The following OSTN variants were observed in gnomAD, a reference collection of about 807,000 sequenced individuals.
OSTN encodes the protein osteocrin.
A neutral mutation model predicts 12.0 loss-of-function variants in OSTN; 9 were observed. The ratio of observed to expected loss-of-function variants is 0.75; its 90% confidence interval spans 0.45 to 1.30. OSTN has a LOEUF of 1.30. Ranked by LOEUF, OSTN falls within the 50% of genes most tolerant of loss-of-function variation. The pLI is 0.00. For synonymous variants in OSTN, 59 were observed against 56.9 expected (o/e 1.04, Z -0.16); for missense variants, 148 against 152.3 (o/e 0.97, Z 0.15).
At chr3:191,230,097 T>TA (rs1715013238) in intron 3 of OSTN, among the ~76,000 whole-genome samples, 1 of 151,644 alleles carries the variant, frequency 6.6e-6, no homozygotes, top group South Asian at 2.1e-4. Flanking sequence ...AATAAATAAA[T>TA]AAATAACTTA....
intron 3 of OSTN, among the ~76,000 whole-genome samples, chr3:191,241,884 A>G (rs1425793520): frequency 6.6e-6 from 1 of 152,236 alleles, no homozygotes; most frequent in Non-Finnish European, 1.5e-5. Flanking sequence ...TGAGAATAAC[A>G]TTATCTAAAC....
At chr3:191,239,970 AAATTCAG>A (rs1715283536) in intron 3 of OSTN, among the ~76,000 whole-genome samples, 1 of 152,240 alleles carries the variant, frequency 6.6e-6, no homozygotes, top group South Asian at 2.1e-4. Context: ...AAGCCCTGTG[AAATTCAG>A]ATGTAAAGAC....
At chr3:191,236,256 G>A (rs1054922953) in intron 3 of OSTN, among the ~76,000 whole-genome samples, 5 of 152,144 alleles carry the variant, frequency 3.3e-5, no homozygotes, top group Non-Finnish European at 7.3e-5. Flanking sequence ...AACTGAGATA[G>A]AAAGCATCCC....
At chr3:191,261,591 C>CA (rs1350330733) in intron 4 of OSTN, among the ~76,000 whole-genome samples, 34 of 152,014 alleles carry the variant, frequency 2.2e-4, no homozygotes, top group South Asian at 2.1e-4. Flanking sequence ...AATCCCCCCA[C>CA]AAAAAAACAG....
At chr3:191,253,584 C>A (rs1360435721) in intron 4 of OSTN, among the ~76,000 whole-genome samples, 2 of 152,178 alleles carry the variant, frequency 1.3e-5, no homozygotes, top group African/African-American at 4.8e-5. Context: ...ATAATAGTTT[C>A]AAGACAGGCT....
chr3:191,238,899 G>A (rs1177879692), intron 3 of OSTN, among the ~76,000 whole-genome samples: 1 of 152,138 alleles, frequency 6.6e-6, no homozygotes, highest in African/African-American at 2.4e-5. Flanking sequence ...CCATATATAG[G>A]CTTTGCAAAG....
chr3:191,209,846 C>G (rs1047432418), intron 1 of OSTN, among the ~76,000 whole-genome samples: 1 of 152,016 alleles, frequency 6.6e-6, no homozygotes, highest in African/African-American at 2.4e-5. Context: ...GTTTGAAATA[C>G]TCTTTGAAGA....
intron 2 of OSTN, among the ~76,000 whole-genome samples, chr3:191,213,855 T>C (rs1714530400): frequency 6.6e-6 from 1 of 152,096 alleles, no homozygotes; most frequent in East Asian, 1.9e-4. Context: ...TTTTGGAGGA[T>C]GCTTGGAAAG....
intron 3 of OSTN, among the ~76,000 whole-genome samples, chr3:191,238,691 T>A (rs1715256549): frequency 6.6e-6 from 1 of 152,144 alleles, no homozygotes; most frequent in Non-Finnish European, 1.5e-5. Context: ...CCCTTTTAAA[T>A]GCTGCCTTCT....
At chr3:191,218,640 G>A (rs1199190683) in intron 2 of OSTN, 107 bp from the exon 3 acceptor site, 1 of 870,282 alleles carries the variant, frequency 1.1e-6, no homozygotes, top group East Asian at 2.6e-5. Context: ...ATTGTAAGAT[G>A]TTACATGATG....
At chr3:191,218,131 A>G (rs1256270099) in intron 2 of OSTN, among the ~76,000 whole-genome samples, 1 of 152,238 alleles carries the variant, frequency 6.6e-6, no homozygotes, top group Non-Finnish European at 1.5e-5. Context: ...TAGATAAAGC[A>G]CTATGGGAAT....
At chr3:191,238,668 C>T (rs1715255808) in intron 3 of OSTN, among the ~76,000 whole-genome samples, 2 of 152,216 alleles carry the variant, frequency 1.3e-5, no homozygotes, top group Non-Finnish European at 2.9e-5. Context: ...TGTTCTTTCA[C>T]AAGAGTGTGC....
intron 3 of OSTN, among the ~76,000 whole-genome samples, chr3:191,246,772 GAGA>G (rs1357182287): frequency 1.5e-5 from 2 of 136,008 alleles, no homozygotes; most frequent in East Asian, 2.3e-4. Flanking sequence ...GGAGAAGGAG[GAGA>G]AGAACTAGAG....
chr3:191,243,783 CATT>C (rs1054049554), intron 3 of OSTN, among the ~76,000 whole-genome samples: 64 of 152,170 alleles, frequency 4.2e-4, no homozygotes, highest in African/African-American at 1.5e-3. Context: ...TTAATATTTA[CATT>C]ATTTACATGT....
At chr3:191,230,294 G>T (rs1325750604) in intron 3 of OSTN, among the ~76,000 whole-genome samples, 1 of 151,824 alleles carries the variant, frequency 6.6e-6, no homozygotes, top group South Asian at 2.1e-4. Flanking sequence ...GGCTGGGCAC[G>T]GTGGCTCACA....
intron 3 of OSTN, among the ~76,000 whole-genome samples, chr3:191,242,694 A>G (rs917778558): frequency 5.9e-5 from 9 of 152,162 alleles, no homozygotes; most frequent in Admixed American, 6.5e-5. Context: ...GTGCCTTGCA[A>G]AAATTAATTT....
At chr3:191,231,638 G>A (rs1468847995) in intron 3 of OSTN, among the ~76,000 whole-genome samples, 1 of 152,098 alleles carries the variant, frequency 6.6e-6, no homozygotes, top group African/African-American at 2.4e-5. Context: ...AAAACTTCAT[G>A]AGTTTCTTAT....
chr3:191,219,506 A>G (rs1227836455), intron 3 of OSTN, among the ~76,000 whole-genome samples: 1 of 152,220 alleles, frequency 6.6e-6, no homozygotes, highest in Non-Finnish European at 1.5e-5. Flanking sequence ...ATAAAGTGAG[A>G]ATAATTACTT....
At chr3:191,207,522 A>G (rs759551855) in intron 1 of OSTN, among the ~76,000 whole-genome samples, 10 of 152,190 alleles carry the variant, frequency 6.6e-5, no homozygotes, top group Non-Finnish European at 1.3e-4. Context: ...ACATTTATAC[A>G]TCTCATAGAA....
Sources: gnomAD v4.1 joint callset for allele counts (sites outside exome capture counted in the v4.1 genomes callset) on GRCh38, gnomAD v4.1.1 for gene constraint, MANE v1.5 for transcripts, NCBI Gene and HGNC (gene_info 2026-07-23, HGNC 2026-07-21) for gene names.